The following TAFA2 variants were observed in gnomAD, a reference collection of about 807,000 sequenced individuals.
TAFA2 encodes TAFA chemokine like family member 2.
Under a neutral mutation model 18.8 loss-of-function variants are expected in TAFA2, and 7 were observed. The ratio of observed to expected loss-of-function variants is 0.37; its 90% CI spans 0.21 to 0.70. The LOEUF is 0.70. Among genes scored for constraint, TAFA2 ranks in the 30% least tolerant of loss-of-function variants. The pLI, the probability that TAFA2 is intolerant of heterozygous loss-of-function variation, is 0.53. For synonymous variants in TAFA2, 60 were observed against 54.2 expected, an observed-to-expected ratio of 1.11 and a Z score of -0.47; for missense variants, 122 against 158.1, an observed-to-expected ratio of 0.77 and a Z score of 1.23.
At chr12:62,007,740 C>T (rs974929091) in intron 1 of TAFA2, among the ~76,000 whole-genome samples, 2 of 144,768 alleles carry the variant, frequency 1.4e-5, no homozygotes, top group Non-Finnish European at 3.0e-5. Context: ...ATACGGGGTA[C>T]AGTGTGATAT....
chr12:61,879,752 A>G (rs1178855937), intron 1 of TAFA2: 11 of 1,310,554 alleles, frequency 8.4e-6, no homozygotes, highest in African/African-American at 4.3e-5. Flanking sequence ...CCAGAGCTAC[A>G]TCAACAACCT....
chr12:61,906,146 C>T (rs560761427), intron 1 of TAFA2, among the ~76,000 whole-genome samples: 31 of 152,280 alleles, frequency 2.0e-4, no homozygotes, highest in African/African-American at 7.0e-4. Flanking sequence ...CACCACACTG[C>T]AGAATATCAC....
intron 1 of TAFA2, among the ~76,000 whole-genome samples, chr12:61,931,534 T>C (rs1209350223): frequency 1.3e-5 from 2 of 152,152 alleles, no homozygotes; most frequent in African/African-American, 2.4e-5. Flanking sequence ...ATCGTGGAAT[T>C]TTTATTGCAG....
Position 62,081,913 on chromosome 12 carries a change from G to C in TAFA2, c.-2+109346C>G, listed in dbSNP as rs532149251. ...CACCTAGGTATTAGGCCCAGCATCCGTTAGCTATTCTTCCTGATGCTCTCC... is the reference window on the plus strand; with the variant it reads ...CACCTAGGTATTAGGCCCAGCATCCCTTAGCTATTCTTCCTGATGCTCTCC... On this transcript the variant is annotated intron_variant, in intron 1 of 4. Transcript: ENST00000416284. Among the ~76,000 whole-genome samples, 6 of 152,088 alleles carry C rather than the reference G, an allele frequency of 3.9e-5. No individual in the cohort carries two copies. In the East Asian group the frequency reaches 9.7e-4, roughly 25 times the overall value.
intron 2 of TAFA2, among the ~76,000 whole-genome samples, chr12:61,833,973 A>G (rs1025517107): frequency 5.3e-5 from 8 of 152,056 alleles, no homozygotes; most frequent in Non-Finnish European, 1.0e-4. Context: ...AATTTCCTGC[A>G]TGGTTCAAGC....
chr12:61,741,174 C>A (rs534880409), intron 4 of TAFA2, among the ~76,000 whole-genome samples: 1 of 152,054 alleles, frequency 6.6e-6, no homozygotes, highest in African/African-American at 2.4e-5. Flanking sequence ...TCGTGGGAAT[C>A]TTAAATTATT....
intron 1 of TAFA2, among the ~76,000 whole-genome samples, chr12:62,089,250 T>A (rs1868606010): frequency 1.3e-5 from 2 of 152,062 alleles, no homozygotes; most frequent in Admixed American, 1.3e-4. Flanking sequence ...AAGTGATGGG[T>A]AATTGACTGG....
chr12:62,016,797 A>G (rs1880952442), intron 1 of TAFA2, among the ~76,000 whole-genome samples: 1 of 54,354 alleles, frequency 1.8e-5, no homozygotes, highest in African/African-American at 6.3e-5. Flanking sequence ...ACCAGTAAGT[A>G]CCTGGTACCC....
chr12:62,230,654 T>A (rs994637176), intron 1 of TAFA2, among the ~76,000 whole-genome samples: 1 of 152,160 alleles, frequency 6.6e-6, no homozygotes, highest in Admixed American at 6.6e-5. Flanking sequence ...AAGAATGTTT[T>A]TGGGTTTTGG....
At chr12:61,987,645 A>T (rs1157471428) in intron 1 of TAFA2, among the ~76,000 whole-genome samples, 1 of 152,230 alleles carries the variant, frequency 6.6e-6, no homozygotes, top group Non-Finnish European at 1.5e-5. Flanking sequence ...GAACACAAAT[A>T]ATATCTAAGC....
chr12:62,095,466 G>A (rs552191772), intron 1 of TAFA2, among the ~76,000 whole-genome samples: 2 of 152,212 alleles, frequency 1.3e-5, no homozygotes, highest in Admixed American at 1.3e-4. Flanking sequence ...AATTCTGTAA[G>A]GCCAGATGGC....
intron 1 of TAFA2, among the ~76,000 whole-genome samples, chr12:61,978,684 C>A (rs1364164029): frequency 6.6e-6 from 1 of 151,892 alleles, no homozygotes; most frequent in Non-Finnish European, 1.5e-5. Context: ...GATTTCAGGG[C>A]CTCAACCAAG....
At chr12:62,122,117 G>A (rs572572417) in intron 1 of TAFA2, among the ~76,000 whole-genome samples, 20 of 152,218 alleles carry the variant, frequency 1.3e-4, no homozygotes, top group Middle Eastern at 3.4e-3. Context: ...ATAACTAATC[G>A]GTACTAGGTT....
intron 2 of TAFA2, among the ~76,000 whole-genome samples, chr12:61,864,414 C>CAA (rs1555171372): frequency 7.0e-6 from 1 of 142,450 alleles, no homozygotes; most frequent in African/African-American, 2.8e-5. Context: ...ATATATATTT[C>CAA]TATATATACA....
At chr12:62,119,687 A>G (rs538282437) in intron 1 of TAFA2, among the ~76,000 whole-genome samples, 1 of 152,332 alleles carries the variant, frequency 6.6e-6, no homozygotes, top group South Asian at 2.1e-4. Context: ...AGGCACACCA[A>G]AAAGTAAATT....
chr12:61,820,099 G>A (rs1190409966), intron 2 of TAFA2, among the ~76,000 whole-genome samples: 1 of 151,978 alleles, frequency 6.6e-6, no homozygotes, highest in Non-Finnish European at 1.5e-5. Context: ...AAAGAAAACT[G>A]CATTTACATC....
rs1333061737 is a variant in TAFA2, at chr12:61,981,993, A to G, written c.-1-114567T>C. 3.3e-5 allele frequency among the ~76,000 whole-genome samples: 5 copies of G among 152,220 alleles called. No homozygotes were observed. The East Asian group carries it at 9.6e-4, about 29-fold the overall frequency. ...CTAGTATAAAGACACATGCACATGT[A>G]TGTTCACTGCGGCACTATTCACAAT... On this transcript the variant is annotated intron_variant, in intron 1 of 4. Transcript: ENST00000416284.
intron 2 of TAFA2, among the ~76,000 whole-genome samples, chr12:61,806,051 AG>A (rs369578108): frequency 4.3e-4 from 66 of 152,340 alleles, no homozygotes; most frequent in African/African-American, 1.6e-3. Context: ...GAGAGGGTAA[AG>A]AACATAACTA....
intron 2 of TAFA2, among the ~76,000 whole-genome samples, chr12:61,859,692 T>C (rs1874046189): frequency 6.6e-6 from 1 of 152,132 alleles, no homozygotes. Context: ...TCCGCCCGCC[T>C]CGGTCTCCCA....
Sources: gnomAD v4.1 joint callset for allele counts (sites outside exome capture counted in the v4.1 genomes callset) on GRCh38, gnomAD v4.1.1 for gene constraint, MANE v1.5 for transcripts, NCBI Gene and HGNC (gene_info 2026-07-23, HGNC 2026-07-21) for gene names.